MAML2: variants seen among roughly 807,000 people sequenced by gnomAD.
MAML2 encodes mastermind like transcriptional coactivator 2.
Under a neutral mutation model 96.1 loss-of-function variants are expected in MAML2, and 22 were observed. The observed-to-expected ratio is 0.23, with a 90% CI of 0.16 to 0.33. MAML2 has a LOEUF of 0.33. Among genes scored for constraint, MAML2 ranks in the 10% least tolerant of loss-of-function variants. The probability of loss-of-function intolerance (pLI) is 1.00; values close to 1 mark genes in which losing one functional copy is unlikely to be tolerated. For missense variants in MAML2, 1,367 were observed against 1,392.4 expected, an observed-to-expected ratio of 0.98 and a Z score of 0.29; for synonymous variants, 561 against 521.3, an observed-to-expected ratio of 1.08 and a Z score of -1.04.
At chr11:95,995,645 T>C (rs1857977846) in intron 2 of MAML2, among the ~76,000 whole-genome samples, 1 of 152,208 alleles carries the variant, frequency 6.6e-6, no homozygotes, top group Non-Finnish European at 1.5e-5. Flanking sequence ...ATGAGTCTTA[T>C]GAAGGAGCTC....
intron 1 of MAML2, among the ~76,000 whole-genome samples, chr11:96,159,433 G>C (rs1861068070): frequency 5.5e-5 from 1 of 18,312 alleles, no homozygotes; most frequent in African/African-American, 1.9e-4. Flanking sequence ...TTTTTTTTGA[G>C]ACGGAGTCTC....
intron 1 of MAML2, among the ~76,000 whole-genome samples, chr11:96,095,540 T>C (rs1158642748): frequency 6.6e-6 from 1 of 152,224 alleles, no homozygotes; most frequent in Non-Finnish European, 1.5e-5. Context: ...TTTAGGTGGC[T>C]GTATCTACAG....
At chr11:96,177,087 G>A (rs548365149) in intron 1 of MAML2, among the ~76,000 whole-genome samples, 1 of 152,256 alleles carries the variant, frequency 6.6e-6, no homozygotes, top group East Asian at 1.9e-4. Flanking sequence ...AAACAGACAT[G>A]AAAATGTATC....
At chr11:96,275,881 A>G (rs192908795) in intron 1 of MAML2, among the ~76,000 whole-genome samples, 17 of 152,292 alleles carry the variant, frequency 1.1e-4, no homozygotes, top group Admixed American at 8.5e-4. Context: ...GCTCTTCACT[A>G]TGGGTAAGAG....
At chr11:96,263,670 TACAGTACATCCTCTAGCC>T (rs1312550922) in intron 1 of MAML2, among the ~76,000 whole-genome samples, 1 of 152,256 alleles carries the variant, frequency 6.6e-6, no homozygotes, top group East Asian at 1.9e-4. Flanking sequence ...TGATCTTTTA[TACAGTACATCCTCTAGCC>T]ACAAGGGAAA....
intron 1 of MAML2, among the ~76,000 whole-genome samples, chr11:96,310,600 T>C (rs1386959832): frequency 1.3e-5 from 2 of 152,256 alleles, no homozygotes; most frequent in Non-Finnish European, 2.9e-5. Context: ...CCTTTCTTCC[T>C]AGTCCTTAGG....
chr11:96,097,460 T>C (rs1337829167), intron 1 of MAML2, among the ~76,000 whole-genome samples: 1 of 152,084 alleles, frequency 6.6e-6, no homozygotes, highest in African/African-American at 2.4e-5. Flanking sequence ...AGTAATATCC[T>C]GAGGGGCTGC....
At chr11:96,116,805 A>G (rs1403337118) in intron 1 of MAML2, among the ~76,000 whole-genome samples, 1 of 152,258 alleles carries the variant, frequency 6.6e-6, no homozygotes, top group Non-Finnish European at 1.5e-5. Context: ...TCACTCAATA[A>G]TGGATATATT....
At chr11:96,143,336 T>C (rs1285027349) in intron 1 of MAML2, among the ~76,000 whole-genome samples, 1 of 152,222 alleles carries the variant, frequency 6.6e-6, no homozygotes, top group East Asian at 1.9e-4. Flanking sequence ...TCTATGCTTT[T>C]GAGAAGATTC....
Position 96,224,759 on chromosome 11 carries a change from A to C in MAML2, c.513+116624T>G, listed in dbSNP as rs1029377604. On this transcript the variant is annotated intron_variant, in intron 1 of 4. Transcript: ENST00000524717. ...ATAGTAATTGGCACAAAGTAGATGC[A>C]CATAATGTTCTTTACTTGAATTTGT... is the stretch of plus-strand genomic sequence containing the variant. 2.6e-5 allele frequency among the ~76,000 whole-genome samples: 4 copies of C among 152,244 alleles called. No homozygotes were observed. The South Asian group carries it at 6.2e-4, about 24-fold the overall frequency.
At chr11:95,986,322 T>C (rs1857828157) in intron 3 of MAML2, among the ~76,000 whole-genome samples, 1 of 151,946 alleles carries the variant, frequency 6.6e-6, no homozygotes. Context: ...CTCCTCCTCC[T>C]GAGCCCCTGG....
At chr11:96,322,892 T>C (rs575984874) in intron 1 of MAML2, among the ~76,000 whole-genome samples, 4 of 152,288 alleles carry the variant, frequency 2.6e-5, no homozygotes, top group South Asian at 4.1e-4. Context: ...AGAATCACAG[T>C]GTGCCTAGTA....
At chr11:96,244,385 G>A (rs905071299) in intron 1 of MAML2, among the ~76,000 whole-genome samples, 2 of 152,128 alleles carry the variant, frequency 1.3e-5, no homozygotes, top group African/African-American at 2.4e-5. Context: ...GGAAGCTTGT[G>A]GTTGTTACAC....
chr11:96,155,889 T>C (rs1861004464), intron 1 of MAML2, among the ~76,000 whole-genome samples: 1 of 152,050 alleles, frequency 6.6e-6, no homozygotes, highest in South Asian at 2.1e-4. Context: ...CCTCTGTGGA[T>C]TGGGAACCAT....
chr11:96,007,770 G>A (rs981852131), intron 2 of MAML2, among the ~76,000 whole-genome samples: 3 of 149,804 alleles, frequency 2.0e-5, no homozygotes, highest in South Asian at 2.1e-4. Context: ...GTAAACTATC[G>A]CAAGAACAAA....
chr11:96,035,206 T>G (rs1474707675), intron 2 of MAML2, among the ~76,000 whole-genome samples: 1 of 152,144 alleles, frequency 6.6e-6, no homozygotes, highest in Non-Finnish European at 1.5e-5. Flanking sequence ...AAGTGTGAGA[T>G]AGGTCAAGAG....
intron 1 of MAML2, among the ~76,000 whole-genome samples, chr11:96,205,863 T>A (rs1317523299): frequency 1.3e-5 from 2 of 152,244 alleles, no homozygotes; most frequent in African/African-American, 4.8e-5. Flanking sequence ...GGCTTACAGC[T>A]AATACAGTTG....
intron 1 of MAML2, among the ~76,000 whole-genome samples, chr11:96,156,703 A>G (rs1411709767): frequency 1.3e-5 from 2 of 152,364 alleles, no homozygotes; most frequent in African/African-American, 2.4e-5. Flanking sequence ...GTTTGACCAG[A>G]GGAAGTAAAG....
intron 2 of MAML2, among the ~76,000 whole-genome samples, chr11:96,045,510 A>G (rs1327252393): frequency 1.3e-5 from 2 of 152,320 alleles, no homozygotes; most frequent in East Asian, 1.9e-4. Flanking sequence ...TCAAAGATTA[A>G]GTCCTTTACC....
Sources: allele counts gnomAD v4.1 joint callset (sites outside exome capture counted in the v4.1 genomes callset), GRCh38; gene constraint gnomAD v4.1.1; transcripts MANE v1.5; gene names NCBI Gene and HGNC (gene_info 2026-07-23, HGNC 2026-07-21).